The following KATNIP variants were observed in gnomAD, a reference collection of about 807,000 sequenced individuals.
The protein encoded by KATNIP is katanin interacting protein.
KATNIP carries 126 observed loss-of-function variants against 174.0 expected under a neutral mutation model. The observed-to-expected ratio is 0.72, with a 90% CI of 0.63 to 0.84. KATNIP has a LOEUF of 0.84. KATNIP is among the 40% of genes least tolerant of loss of function. The pLI, the probability that KATNIP is intolerant of heterozygous loss-of-function variation, is 0.00. For missense variants in KATNIP, 1,958 were observed against 2,109.7 expected (o/e 0.93, Z 1.41); for synonymous variants, 810 against 835.7 (o/e 0.97, Z 0.53).
At chr16:27,609,743 G>A (rs2075832285) in intron 2 of KATNIP, among the ~76,000 whole-genome samples, 2 of 150,074 alleles carry the variant, frequency 1.3e-5, no homozygotes, top group African/African-American at 2.5e-5. Context: ...CCAGGATGGA[G>A]TACAGTGGCA....
Position 27,776,753 on chromosome 16 carries a change from C to G in KATNIP, c.4450-175C>G. The G allele has an allele frequency of 1.6e-6, 1 of 613,480 alleles. No homozygotes were observed. The highest frequency in any genetic ancestry group is 2.7e-5 in the East Asian group (1 of 36,960). 38.0% of individuals were successfully genotyped at this position (613,480 alleles called of 1,614,324 possible). Reference sequence around the variant, plus strand: ...TGTTGCAAATGCAGCCACACGTGACCTGACTCAAGATGGGCTTCGAGGAGA... The same window carrying G: ...TGTTGCAAATGCAGCCACACGTGACGTGACTCAAGATGGGCTTCGAGGAGA... On this transcript the variant is annotated intron_variant, in intron 24 of 27. Transcript: ENST00000261588. The surrounding 1 kb of genome is among the most constrained non-coding windows in gnomAD (Gnocchi z 4.7).
intron 17 of KATNIP, among the ~76,000 whole-genome samples, chr16:27,753,043 G>A (rs1351277261): frequency 6.6e-6 from 1 of 152,114 alleles, no homozygotes; most frequent in Admixed American, 6.5e-5. Context: ...GGACCCCATG[G>A]TGTTCCCTGG....
chr16:27,574,629 A>T (rs2090428576), intron 2 of KATNIP, among the ~76,000 whole-genome samples: 1 of 123,168 alleles, frequency 8.1e-6, no homozygotes, highest in African/African-American at 3.2e-5. Context: ...CAATGGCGTG[A>T]TCTCAGCTCA....
chr16:27,571,381 T>A (rs1412251888), intron 1 of KATNIP, among the ~76,000 whole-genome samples: 1 of 152,186 alleles, frequency 6.6e-6, no homozygotes, highest in Non-Finnish European at 1.5e-5. Context: ...TAAACTGTTC[T>A]TTATTAGTAT....
chr16:27,705,990 A>G (rs528298843), intron 12 of KATNIP, among the ~76,000 whole-genome samples: 44 of 152,254 alleles, frequency 2.9e-4, no homozygotes, highest in African/African-American at 9.1e-4. Context: ...GTCTCCTTAT[A>G]TTACGGGAGA....
At chr16:27,592,674 G>A (rs1300561904) in intron 2 of KATNIP, among the ~76,000 whole-genome samples, 2 of 151,950 alleles carry the variant, frequency 1.3e-5, no homozygotes, top group Non-Finnish European at 2.9e-5. Flanking sequence ...AGGAGTGTGG[G>A]GGACCAGCAT....
intron 6 of KATNIP, among the ~76,000 whole-genome samples, chr16:27,649,033 G>A (rs181971515): frequency 2.6e-5 from 4 of 152,318 alleles, no homozygotes; most frequent in South Asian, 2.1e-4. Context: ...AGAGCATGGC[G>A]CAGACAGAGG....
chr16:27,770,823 T>A (rs981061366), intron 21 of KATNIP, among the ~76,000 whole-genome samples: 1 of 152,236 alleles, frequency 6.6e-6, no homozygotes, highest in African/African-American at 2.4e-5. Flanking sequence ...AGGCTCTGGC[T>A]GGTGGAGCCA....
At chr16:27,628,544 C>G (rs570216303) in intron 3 of KATNIP, 117 bp from the exon 4 acceptor site, 1 of 1,135,170 alleles carries the variant, frequency 8.8e-7, no homozygotes, top group Non-Finnish European at 1.3e-6. Flanking sequence ...GCACACGCCC[C>G]CTGGGCTCTG....
intron 1 of KATNIP, among the ~76,000 whole-genome samples, chr16:27,555,728 T>C (rs1246505716): frequency 6.6e-6 from 1 of 150,928 alleles, no homozygotes; most frequent in African/African-American, 2.4e-5. Flanking sequence ...CCCAGCCACT[T>C]GGGGGGCTGA....
At position 27,573,896 on chromosome 16, in the gene KATNIP, G is replaced by T. The variant is rs779504618; in HGVS notation, c.8-5G>T. 8.1e-6 allele frequency: 13 copies of T among 1,613,938 alleles called. No individual in the cohort carries two copies. The Admixed American group carries it at 2.0e-4, about 25-fold the overall frequency. On this transcript the variant is annotated splice_polypyrimidine_tract_variant and splice_region_variant and intron_variant, in intron 1 of 27. Coordinates refer to ENST00000261588, the MANE Select transcript of KATNIP (RefSeq NM_015202.5). The stretch of plus-strand genomic sequence containing the variant: ...AATCTTGGTTCTGCTTTTGAACTGC[G>T]ACAGGTCAGACTCTGCGAAAGGCCG...
intron 6 of KATNIP, among the ~76,000 whole-genome samples, chr16:27,654,426 A>G (rs115168445): frequency 0.023 from 3,442 of 152,304 alleles, 150 homozygotes; most frequent in African/African-American, 0.079. Flanking sequence ...GCTGTGTGCC[A>G]GCAATGGTGT....
intron 6 of KATNIP, among the ~76,000 whole-genome samples, chr16:27,655,175 T>G (rs2142399555): frequency 1.6e-5 from 1 of 63,034 alleles, no homozygotes; most frequent in Admixed American, 2.8e-4. Context: ...CCCCCTAGAA[T>G]GGATATATAT....
At chr16:27,665,625 A>G (rs932692745) in intron 6 of KATNIP, among the ~76,000 whole-genome samples, 52 of 147,034 alleles carry the variant, frequency 3.5e-4, no homozygotes, top group African/African-American at 1.3e-3. Context: ...TTTTTTTGAG[A>G]CAGGACACTC....
intron 6 of KATNIP, among the ~76,000 whole-genome samples, chr16:27,665,031 C>T (rs1467256432): frequency 1.3e-5 from 2 of 152,032 alleles, no homozygotes; most frequent in African/African-American, 4.8e-5. Flanking sequence ...CATCTGCACG[C>T]TTGTGTCTTT....
intron 5 of KATNIP, among the ~76,000 whole-genome samples, chr16:27,634,750 T>C (rs1331591813): frequency 6.6e-6 from 1 of 152,216 alleles, no homozygotes; most frequent in Non-Finnish European, 1.5e-5. Flanking sequence ...GGCCATCTGA[T>C]TGGCTGAACC....
chr16:27,693,876 G>A (rs1036690790), intron 8 of KATNIP, among the ~76,000 whole-genome samples: 4 of 152,138 alleles, frequency 2.6e-5, no homozygotes, highest in Admixed American at 6.6e-5. Flanking sequence ...AAATTCAGGG[G>A]ATTTCACATA....
chr16:27,753,999 G>A (rs1046982410), intron 17 of KATNIP, among the ~76,000 whole-genome samples, 174 bp from the exon 18 acceptor site: 2 of 152,140 alleles, frequency 1.3e-5, no homozygotes, highest in Non-Finnish European at 1.5e-5. Flanking sequence ...GTCAGGGTCC[G>A]CCCATATCAC....
At chr16:27,680,254 G>A (rs571807188) in intron 7 of KATNIP, among the ~76,000 whole-genome samples, 1 of 152,192 alleles carries the variant, frequency 6.6e-6, no homozygotes, top group African/African-American at 2.4e-5. Flanking sequence ...GCGCACCTGC[G>A]GGAGCAGCAA....
Sources: gnomAD v4.1 joint callset for allele counts (sites outside exome capture counted in the v4.1 genomes callset) on GRCh38, gnomAD v4.1.1 for gene constraint, Gnocchi (gnomAD v3.1) non-coding constraint, MANE v1.5 for transcripts, NCBI Gene and HGNC (gene_info 2026-07-23, HGNC 2026-07-21) for gene names.